Variants in NBEAL1 observed in about 807,000 individuals in gnomAD.
NBEAL1 encodes neurobeachin-like protein 1.
A neutral mutation model predicts 351.3 loss-of-function variants in NBEAL1; 273 were observed. That is an observed-to-expected ratio of 0.78 (90% CI 0.70 to 0.86). NBEAL1 has a LOEUF of 0.86. Ranked by LOEUF, NBEAL1 falls within the 40% of genes least tolerant of loss-of-function variation. NBEAL1 has a pLI of 0.00. For synonymous variants in NBEAL1, 1,050 were observed against 1,086.4 expected, an observed-to-expected ratio of 0.97 and a Z score of 0.66; for missense variants, 2,961 against 3,201.3, an observed-to-expected ratio of 0.92 and a Z score of 1.81.
intron 45 of NBEAL1, 82 bp from the exon 46 acceptor site, chr2:203,190,194 ACACACACACACACACC>A (rs2105774458): frequency 5.0e-6 from 2 of 399,146 alleles, no homozygotes. Context: ...ACACACACAC[ACACACACACACACACC>A]AATGAGCCTG....
intron 48 of NBEAL1, 22 bp downstream of exon 48, chr2:203,197,413 T>A (rs1324732876): frequency 1.5e-6 from 2 of 1,373,522 alleles, no homozygotes; most frequent in African/African-American, 1.4e-5. Context: ...TTTACCTTTT[T>A]CACACTGCTA....
At chr2:203,054,859 C>T (rs901117014) in intron 4 of NBEAL1, among the ~76,000 whole-genome samples, 22 of 152,124 alleles carry the variant, frequency 1.4e-4, no homozygotes, top group African/African-American at 5.1e-4. Context: ...TTCATTTCAC[C>T]TTTACTTCTT....
Position 203,108,183 on chromosome 2 carries a change from G to C in NBEAL1, c.1944G>C (p.Leu648Phe). ...ACAAAGGAGGGAAAAGGAAACAATT[G>C]TACAGGTATTGGTAAAAATTATGGA... ...IANKGGKRKQ[L>F]YSFFTGSGMG... The change falls in exon 14 of 56, where the codon TTG (leucine) becomes TTC (phenylalanine). Residue 648 changes from leucine (L) to phenylalanine (F), a missense_variant. By Grantham distance (22) the Leu-to-Phe change is conservative. Transcript: ENST00000683969. 2 of 1,542,946 alleles carry C rather than the reference G, an allele frequency of 1.3e-6. No homozygotes were observed. Among genetic ancestry groups the C allele is most frequent in the Non-Finnish European group, 1.8e-6 (2 of 1,140,968 alleles).
At chr2:203,077,934 A>G (rs894636688) in intron 8 of NBEAL1, 97 bp downstream of exon 8, 2 of 579,650 alleles carry the variant, frequency 3.5e-6, no homozygotes, top group Non-Finnish European at 5.4e-6. Flanking sequence ...TTATAATTTC[A>G]TTCACCATAC....
intron 35 of NBEAL1, among the ~76,000 whole-genome samples, chr2:203,155,392 T>G (rs1559411968): frequency 6.6e-6 from 1 of 152,146 alleles, no homozygotes; most frequent in Non-Finnish European, 1.5e-5. Flanking sequence ...GTGGTTATCC[T>G]TCTCTGTAAG....
At chr2:203,194,377 TATTAA>T (rs1487346839) in intron 47 of NBEAL1, among the ~76,000 whole-genome samples, 1 of 152,188 alleles carries the variant, frequency 6.6e-6, no homozygotes, top group African/African-American at 2.4e-5. Context: ...TAAATATACA[TATTAA>T]ATTGAGTAAT....
intron 10 of NBEAL1, among the ~76,000 whole-genome samples, chr2:203,087,644 T>C (rs1004419287): frequency 2.6e-5 from 4 of 152,220 alleles, no homozygotes; most frequent in Admixed American, 2.6e-4. Context: ...ATCTATCTCC[T>C]TGATGCTTTT....
intron 12 of NBEAL1, among the ~76,000 whole-genome samples, chr2:203,101,885 C>G (rs555966748): frequency 5.3e-5 from 8 of 152,288 alleles, no homozygotes; most frequent in Admixed American, 4.6e-4. Flanking sequence ...CGTGAGCCCC[C>G]ACACCAGCCC....
At position 203,136,198 on chromosome 2, in the gene NBEAL1, C is replaced by T. The variant is rs1477260995; in HGVS notation, c.4335C>T (p.Ser1445=). ...CTGTGCACTCTGACAGAGAAAGCAG[C>T]ATCACAAATGATATGGGCTTTAGTG... ...SFSVHSDRES[S]ITNDMGFSDD... is the part of the protein sequence containing the mutation. The change falls in exon 28 of 56, where the codon AGC becomes AGT. Residue 1445 remains serine (S), a synonymous_variant. Transcript: ENST00000683969. The T allele has an allele frequency of 1.2e-6, 2 of 1,610,886 alleles. No individual in the cohort carries two copies. Among genetic ancestry groups the T allele is most frequent in the East Asian group, 2.2e-5 (1 of 44,872 alleles).
chr2:203,187,985 T>G (rs1366882158), intron 44 of NBEAL1, among the ~76,000 whole-genome samples: 2 of 152,246 alleles, frequency 1.3e-5, no homozygotes, highest in Admixed American at 6.5e-5. Context: ...ACAGGAGGTC[T>G]CTACCTGCCA....
At chr2:203,181,453 T>C (rs953043902) in intron 43 of NBEAL1, 1 of 152,138 alleles carries the variant, frequency 6.6e-6, no homozygotes, top group Non-Finnish European at 1.5e-5. Context: ...TGTTATGTTT[T>C]TGAAGTAGAG....
chr2:203,066,485 A>G (rs974610841), intron 6 of NBEAL1, among the ~76,000 whole-genome samples: 1 of 152,158 alleles, frequency 6.6e-6, no homozygotes, highest in Non-Finnish European at 1.5e-5. Context: ...CTTTCTACAC[A>G]GACACAGTAA....
chr2:203,102,568 G>T (rs1394682340), intron 12 of NBEAL1, among the ~76,000 whole-genome samples: 1 of 152,112 alleles, frequency 6.6e-6, no homozygotes, highest in African/African-American at 2.4e-5. Flanking sequence ...AGATAATCTT[G>T]TGGTTTCTGT....
At chr2:203,084,662 T>A in intron 10 of NBEAL1, 93 bp downstream of exon 10, 1 of 603,032 alleles carries the variant, frequency 1.7e-6, no homozygotes, top group Non-Finnish European at 2.6e-6. Flanking sequence ...TACTAATTTT[T>A]ATACTTAATC....
At chr2:203,145,198 T>G (rs769793185) in intron 33 of NBEAL1, 38 bp downstream of exon 33, 20 of 1,567,902 alleles carry the variant, frequency 1.3e-5, no homozygotes, top group Non-Finnish European at 1.7e-5. Context: ...TTTTTCTTGT[T>G]GATTTTAGGC....
chr2:203,112,203 A>C, intron 16 of NBEAL1, 105 bp downstream of exon 16: 2 of 1,228,952 alleles, frequency 1.6e-6, no homozygotes, highest in Non-Finnish European at 2.2e-6. Context: ...GTGGCCCCAG[A>C]TTTTAAAGTG....
chr2:203,191,604 T>C (rs1251266791), intron 46 of NBEAL1, among the ~76,000 whole-genome samples: 1 of 152,240 alleles, frequency 6.6e-6, no homozygotes, highest in Non-Finnish European at 1.5e-5. Context: ...TTAGGTACTT[T>C]ACCTAATCTT....
chr2:203,014,732 T>G (rs2060647416), upstream of NBEAL1: 1 of 152,202 alleles, frequency 6.6e-6, no homozygotes. Flanking sequence ...GGGCTTCAGG[T>G]CACCCCGCCC....
At chr2:203,036,930 G>A (rs1433924111) in intron 2 of NBEAL1, among the ~76,000 whole-genome samples, 3 of 149,122 alleles carry the variant, frequency 2.0e-5, no homozygotes, top group African/African-American at 4.9e-5. Context: ...CAATGGTAAG[G>A]AAAACTTCAG....
Sources: allele counts gnomAD v4.1 joint callset (sites outside exome capture counted in the v4.1 genomes callset), GRCh38; gene constraint gnomAD v4.1.1; transcripts MANE v1.5; gene names NCBI Gene and HGNC (gene_info 2026-07-23, HGNC 2026-07-21).